The following CEMIP2 variants were observed in gnomAD, a reference collection of about 807,000 sequenced individuals.
The protein encoded by CEMIP2 is cell surface hyaluronidase CEMIP2.
A neutral mutation model predicts 146.9 loss-of-function variants in CEMIP2; 79 were observed. The ratio of observed to expected loss-of-function variants is 0.54; its 90% confidence interval spans 0.45 to 0.65. CEMIP2 has a LOEUF of 0.65. Among genes scored for constraint, CEMIP2 ranks in the 30% least tolerant of loss-of-function variants. The pLI, the probability that CEMIP2 is intolerant of heterozygous loss-of-function variation, is 0.00. For missense variants in CEMIP2, 1,596 were observed against 1,696.2 expected (o/e 0.94, Z 1.04); for synonymous variants, 601 against 606.3 (o/e 0.99, Z 0.13).
At chr9:71,748,957 T>C (rs1459941029) in intron 2 of CEMIP2, among the ~76,000 whole-genome samples, 1 of 152,218 alleles carries the variant, frequency 6.6e-6, no homozygotes, top group Non-Finnish European at 1.5e-5. Flanking sequence ...AAATCTGTTG[T>C]AGACAAATAT....
chr9:71,716,079 A>C (rs1823048684), intron 14 of CEMIP2, among the ~76,000 whole-genome samples: 1 of 152,316 alleles, frequency 6.6e-6, no homozygotes, highest in Non-Finnish European at 1.5e-5. Context: ...CATATTTAAC[A>C]TGACAACTAG....
At chr9:71,702,266 A>G (rs1272043946) in intron 18 of CEMIP2, among the ~76,000 whole-genome samples, 1 of 150,824 alleles carries the variant, frequency 6.6e-6, no homozygotes, top group African/African-American at 2.4e-5. Flanking sequence ...TCAAGGAAAA[A>G]AAAAAAAAAA....
rs867538457 is a variant in CEMIP2 at position 71,749,313 on chromosome 9, C to T, written c.331+730G>A. On this transcript the variant is annotated intron_variant, in intron 2 of 23. Transcript: ENST00000377044. ...GAAACTTTTCCTTTGGAACTGCTTC[C>T]CAAGCCCATTTCAAGCCACAAACAC... 8.6e-5 allele frequency among the ~76,000 whole-genome samples: 13 copies of T among 152,014 alleles called. No homozygotes were observed. The Middle Eastern group carries it at 0.014, about 159-fold the overall frequency.
At chr9:71,756,523 C>T (rs940847838) in intron 1 of CEMIP2, among the ~76,000 whole-genome samples, 13 of 151,158 alleles carry the variant, frequency 8.6e-5, no homozygotes, top group African/African-American at 3.2e-4. Context: ...CACACACACA[C>T]ACACACACAC....
intron 20 of CEMIP2, among the ~76,000 whole-genome samples, chr9:71,695,799 A>T (rs1340213296): frequency 6.6e-6 from 1 of 151,856 alleles, no homozygotes; most frequent in Non-Finnish European, 1.5e-5. Flanking sequence ...TCCTAATATA[A>T]ATGTGTTTGG....
chr9:71,754,542 T>A (rs1824365028), intron 1 of CEMIP2, among the ~76,000 whole-genome samples: 1 of 152,202 alleles, frequency 6.6e-6, no homozygotes, highest in South Asian at 2.1e-4. Flanking sequence ...AAGGAGCATA[T>A]GAGTATTTTA....
rs560049528 is a variant in CEMIP2, at chr9:71,738,966, T to C, written c.1204+1097A>G. Among the ~76,000 whole-genome samples the C allele has an allele frequency of 3.3e-5, 5 of 152,268 alleles. No homozygotes were observed. The East Asian group carries it at 9.7e-4, about 29-fold the overall frequency. ...AGATTTGTATTAGTCACTAACACATTTTTTCTTGGCTTTAAAAGAAAATCC... is the reference window on the plus strand; with the variant it reads ...AGATTTGTATTAGTCACTAACACATCTTTTCTTGGCTTTAAAAGAAAATCC... On this transcript the variant is annotated intron_variant, in intron 5 of 23. Coordinates refer to ENST00000377044, the MANE Select transcript of CEMIP2 (RefSeq NM_013390.3).
Position 71,732,391 on chromosome 9 carries a change from C to A in CEMIP2, c.1523G>T (p.Cys508Phe). The change falls in exon 7 of 24, where the codon TGC becomes TTC. Residue 508 changes from cysteine (C) to phenylalanine (F), a missense_variant. Coordinates refer to ENST00000377044, the MANE Select transcript of CEMIP2 (RefSeq NM_013390.3). ...AAAGGTATCATAATCAAAAAATTGG[C>A]ACTGATTTTCTGCGTAGCATGAGTC... ...VEDSCYAENQCQFFDYDTFGG... is the reference protein window; with the variant it reads ...VEDSCYAENQFQFFDYDTFGG... 6.2e-7 allele frequency: 1 copy of A among 1,612,698 alleles called. No homozygotes were observed. The highest frequency in any genetic ancestry group is 8.5e-7 in the Non-Finnish European group (1 of 1,179,708).
At chr9:71,712,922 T>C (rs1822949831) in intron 15 of CEMIP2, among the ~76,000 whole-genome samples, 1 of 152,230 alleles carries the variant, frequency 6.6e-6, no homozygotes, top group Non-Finnish European at 1.5e-5. Context: ...GTTCCTCTCC[T>C]ATTAATTCTT....
At chr9:71,763,032 T>C (rs911958020) in intron 1 of CEMIP2, among the ~76,000 whole-genome samples, 14 of 151,686 alleles carry the variant, frequency 9.2e-5, no homozygotes, top group African/African-American at 3.4e-4. Flanking sequence ...TATATTTTTT[T>C]AATGTTATGT....
At chr9:71,759,940 A>G (rs2132040742) in intron 1 of CEMIP2, among the ~76,000 whole-genome samples, 1 of 151,968 alleles carries the variant, frequency 6.6e-6, no homozygotes, top group South Asian at 2.1e-4. Flanking sequence ...TTACCAGGGA[A>G]GCCATATATT....
chr9:71,695,726 C>T (rs1822380634), intron 20 of CEMIP2, among the ~76,000 whole-genome samples: 1 of 152,062 alleles, frequency 6.6e-6, no homozygotes, highest in South Asian at 2.1e-4. Context: ...AAGTCGGAAG[C>T]TGGGTAGTTC....
chr9:71,704,549 A>G (rs1254716093), intron 18 of CEMIP2, 46 bp downstream of exon 18: 3 of 1,602,684 alleles, frequency 1.9e-6, no homozygotes, highest in Non-Finnish European at 2.6e-6. Flanking sequence ...TCTCCACTAA[A>G]TTACTACTTG....
Position 71,740,075 on chromosome 9 carries a change from C to T in CEMIP2, c.1192G>A (p.Glu398Lys), listed in dbSNP as rs757592123. Residue 398 changes from glutamate (E) to lysine (K), a missense_variant, in exon 5 of 24, where the codon GAA (glutamate) becomes AAA (lysine). Coordinates refer to ENST00000377044, the MANE Select transcript of CEMIP2 (RefSeq NM_013390.3). ...GQKFSVTAYS[E>K]WIEGVSLSGF... ...TCTACTTGCCTACCTTCAATCCATT[C>T]ACTATAAGCTGTCACAGAGAACTTC... The T allele has an allele frequency of 2.5e-6, 4 of 1,613,722 alleles. No individual in the cohort carries two copies. Among genetic ancestry groups the T allele is most frequent in the Non-Finnish European group, 3.4e-6 (4 of 1,179,870 alleles).
intron 17 of CEMIP2, among the ~76,000 whole-genome samples, chr9:71,705,353 A>G (rs1268246720): frequency 6.6e-6 from 1 of 152,180 alleles, no homozygotes; most frequent in Non-Finnish European, 1.5e-5. Flanking sequence ...ACTGAGACAA[A>G]TTTGAAAGTC....
chr9:71,732,373 T>C lies in CEMIP2; in HGVS notation c.1541A>G (p.Asp514Gly). 6.2e-7 allele frequency: 1 copy of C among 1,612,608 alleles called. No individual in the cohort carries two copies. Residue 514 changes from aspartate to glycine, a missense_variant, in exon 7 of 24, where the codon GAT becomes GGT. Asp to Gly is a moderately conservative substitution (Grantham distance 94). Coordinates refer to ENST00000377044, the MANE Select transcript of CEMIP2 (RefSeq NM_013390.3). ...TACCATAATGTGTCCCCCAAAGGTA[T>C]CATAATCAAAAAATTGGCACTGATT... ...AENQCQFFDYDTFGGHIMIMK... is the reference protein window; with the variant it reads ...AENQCQFFDYGTFGGHIMIMK...
intron 18 of CEMIP2, 78 bp downstream of exon 18, chr9:71,704,517 A>G: frequency 6.6e-7 from 1 of 1,519,906 alleles, no homozygotes; most frequent in Non-Finnish European, 9.1e-7. Flanking sequence ...CTTGCTGCAA[A>G]GGAGACATAA....
At position 71,750,310 on chromosome 9, in the gene CEMIP2, G is replaced by A. The variant is rs781265947; in HGVS notation, c.64C>T (p.Arg22Cys). 9.9e-6 allele frequency: 16 copies of A among 1,613,694 alleles called. No individual in the cohort carries two copies. Among genetic ancestry groups the A allele is most frequent in the East Asian group, 8.9e-5 (4 of 44,734 alleles). ...AFLQPQNGNSRHPSGYVPGKV... is the reference protein window; with the variant it reads ...AFLQPQNGNSCHPSGYVPGKV... ...CCTGGAACATAGCCAGATGGGTGAC[G>A]ACTATTTCCATTCTGAGGTTGGAGG... The change falls in exon 2 of 24, where the codon CGT becomes TGT. Residue 22 changes from arginine to cysteine, a missense_variant. Coordinates refer to ENST00000377044, the MANE Select transcript of CEMIP2 (RefSeq NM_013390.3).
At chr9:71,727,335 G>C (rs760851756) in intron 10 of CEMIP2, among the ~76,000 whole-genome samples, 14 of 152,116 alleles carry the variant, frequency 9.2e-5, no homozygotes, top group Middle Eastern at 3.4e-3. Flanking sequence ...TCAACTTCTT[G>C]GTCATCTTTA....
Sources: gnomAD v4.1 joint callset for allele counts (sites outside exome capture counted in the v4.1 genomes callset) on GRCh38, gnomAD v4.1.1 for gene constraint, MANE v1.5 for transcripts, NCBI Gene and HGNC (gene_info 2026-07-23, HGNC 2026-07-21) for gene names.